Variants in ABCA12 observed in about 807,000 individuals in gnomAD.
ABCA12 encodes the protein ATP binding cassette subfamily A member 12, also known as glucosylceramide transporter ABCA12.
In ABCA12, 156 loss-of-function variants were observed where a neutral mutation model predicts 293.5. That is an observed-to-expected ratio of 0.53 (90% CI 0.47 to 0.61). ABCA12 has a LOEUF of 0.61. ABCA12 is among the 20% of genes least tolerant of loss of function. ABCA12 has a pLI of 0.00. For missense variants in ABCA12, 2,797 were observed against 3,090.2 expected, an observed-to-expected ratio of 0.91 and a Z score of 2.25; for synonymous variants, 1,063 against 1,108.0, an observed-to-expected ratio of 0.96 and a Z score of 0.81.
At chr2:214,992,372 G>A (rs979272460) in intron 23 of ABCA12, among the ~76,000 whole-genome samples, 1 of 147,810 alleles carries the variant, frequency 6.8e-6, no homozygotes, top group African/African-American at 2.5e-5. Flanking sequence ...GAACCTGGGA[G>A]GCGGAGCTTG....
chr2:214,944,500 G>A (rs1698513838), intron 49 of ABCA12, among the ~76,000 whole-genome samples: 1 of 152,020 alleles, frequency 6.6e-6, no homozygotes, highest in Non-Finnish European at 1.5e-5. Flanking sequence ...GTATGGAGAT[G>A]GGAAGAATGC....
At chr2:215,014,316 AGGGTAGACC>A (rs1175848598) in intron 15 of ABCA12, among the ~76,000 whole-genome samples, 2 of 152,124 alleles carry the variant, frequency 1.3e-5, no homozygotes, top group African/African-American at 4.8e-5. Context: ...TAGGGTGGTC[AGGGTAGACC>A]TTACTGAAAA....
At chr2:215,051,608 T>TAGTGTGTG (rs1701321582) in intron 5 of ABCA12, among the ~76,000 whole-genome samples, 1 of 20,544 alleles carries the variant, frequency 4.9e-5, no homozygotes, top group Non-Finnish European at 1.5e-4. Flanking sequence ...TTAAAAACGC[T>TAGTGTGTG]AGTGTGTGTG....
chr2:215,011,381 G>C, intron 17 of ABCA12, 58 bp downstream of exon 17: 2 of 1,257,262 alleles, frequency 1.6e-6, no homozygotes, highest in Non-Finnish European at 2.3e-6. Context: ...AGACAGAATA[G>C]ACAGTATTCT....
chr2:215,058,845 A>AAAAAACT (rs1701473511), intron 3 of ABCA12, among the ~76,000 whole-genome samples: 1 of 152,070 alleles, frequency 6.6e-6, no homozygotes, highest in African/African-American at 2.4e-5. Flanking sequence ...TCTGAGGAAA[A>AAAAAACT]AAAAACTAAA....
At chr2:215,137,723 A>G (rs1235843590) in intron 1 of ABCA12, among the ~76,000 whole-genome samples, 1 of 152,184 alleles carries the variant, frequency 6.6e-6, no homozygotes, top group Non-Finnish European at 1.5e-5. Flanking sequence ...CAAACTTTCT[A>G]TGGCTTTCAG....
intron 8 of ABCA12, chr2:215,032,267 G>C: frequency 3.4e-6 from 1 of 297,644 alleles, no homozygotes; most frequent in Non-Finnish European, 5.3e-6. Context: ...GCCAATTTTA[G>C]TCTTATGGGT....
At chr2:215,080,360 G>A (rs779838061) in intron 2 of ABCA12, among the ~76,000 whole-genome samples, 11 of 152,030 alleles carry the variant, frequency 7.2e-5, no homozygotes, top group East Asian at 1.9e-4. Flanking sequence ...TTAGCCGGAC[G>A]TGGTAGTGCG....
chr2:214,967,372 G>GCATGGTGTC (rs1559119901), intron 38 of ABCA12, among the ~76,000 whole-genome samples: 1 of 151,994 alleles, frequency 6.6e-6, no homozygotes, highest in African/African-American at 2.4e-5. Context: ...ACATATACAC[G>GCATGGTGTC]CATGGTGTCC....
intron 1 of ABCA12, 63 bp from the exon 2 acceptor site, chr2:215,111,753 G>T: frequency 1.6e-6 from 2 of 1,212,664 alleles, no homozygotes; most frequent in Non-Finnish European, 2.4e-6. Context: ...TTTAAAACCT[G>T]ACTACAAAAA....
At chr2:215,001,492 A>G (rs889127949) in intron 21 of ABCA12, 66 bp downstream of exon 21, 17 of 1,599,968 alleles carry the variant, frequency 1.1e-5, no homozygotes, top group East Asian at 4.5e-5. Flanking sequence ...GATGAAAGAC[A>G]TGAGGAAAGA....
chr2:215,123,453 G>A (rs956339141), intron 1 of ABCA12, among the ~76,000 whole-genome samples: 6 of 152,156 alleles, frequency 3.9e-5, no homozygotes, highest in African/African-American at 1.4e-4. Context: ...TTACAGGTGT[G>A]AGCCACTGCA....
chr2:214,980,658 CA>C lies in ABCA12; in HGVS notation c.4580-16del. On this transcript the variant is annotated splice_polypyrimidine_tract_variant and intron_variant, in intron 30 of 52. Transcript: ENST00000272895. The stretch of plus-strand genomic sequence containing the variant: ...GATTGTTCTGGCTTGAAAATACAGA[CA>C]AGAACAACAGGGAATGAAACGTGAA... The C allele has an allele frequency of 6.2e-7, 1 of 1,613,968 alleles. No individual in the cohort carries two copies. Among genetic ancestry groups the C allele is most frequent in the Non-Finnish European group, 8.5e-7 (1 of 1,179,908 alleles).
chr2:215,134,170 C>A (rs533644265), intron 1 of ABCA12, among the ~76,000 whole-genome samples: 49 of 151,460 alleles, frequency 3.2e-4, no homozygotes, highest in African/African-American at 1.2e-3. Flanking sequence ...CTATTCTCAT[C>A]CTGTTTCTCG....
At chr2:215,123,332 T>A (rs1702847901) in intron 1 of ABCA12, among the ~76,000 whole-genome samples, 1 of 152,040 alleles carries the variant, frequency 6.6e-6, no homozygotes, top group Non-Finnish European at 1.5e-5. Flanking sequence ...CCACCACACC[T>A]GGCTAACTTT....
chr2:215,074,890 C>T (rs1332302028), intron 2 of ABCA12, among the ~76,000 whole-genome samples: 11 of 151,712 alleles, frequency 7.3e-5, no homozygotes, highest in Admixed American at 6.6e-4. Flanking sequence ...TGCAGTGAGC[C>T]GAGATCACGC....
Position 215,079,801 on chromosome 2 carries a change from G to A in ABCA12, c.164-15582C>T, listed in dbSNP as rs116430646. On this transcript the variant is annotated intron_variant, in intron 2 of 52. Transcript: ENST00000272895. ...TTTAGGGAAATAAATGAACAGAAGC[G>A]TTCAATTCCAGGCAAGTGGCTTTCA... 5.9e-3 allele frequency among the ~76,000 whole-genome samples: 904 copies of A among 152,236 alleles called. 7 individuals carry two copies. The highest frequency in any genetic ancestry group is 0.02 in the African/African-American group (819 of 41,542).
chr2:215,086,083 T>C (rs999874056), intron 2 of ABCA12, among the ~76,000 whole-genome samples: 1 of 152,188 alleles, frequency 6.6e-6, no homozygotes, highest in Non-Finnish European at 1.5e-5. Flanking sequence ...CTAGCATCCA[T>C]TGCTGTCAAC....
At chr2:214,938,322 C>T (rs1262334624) in intron 50 of ABCA12, among the ~76,000 whole-genome samples, 1 of 152,056 alleles carries the variant, frequency 6.6e-6, no homozygotes, top group African/African-American at 2.4e-5. Flanking sequence ...CCATAGTATT[C>T]CATGGGGTAT....
Sources: allele counts gnomAD v4.1 joint callset (sites outside exome capture counted in the v4.1 genomes callset), GRCh38; gene constraint gnomAD v4.1.1; transcripts MANE v1.5; gene names NCBI Gene and HGNC (gene_info 2026-07-23, HGNC 2026-07-21).